The following MACROD2 variants were observed in gnomAD, a reference collection of about 807,000 sequenced individuals.
MACROD2 encodes the protein ADP-ribose glycohydrolase MACROD2.
A neutral mutation model predicts 70.4 loss-of-function variants in MACROD2; 36 were observed. That is an observed-to-expected ratio of 0.51 (90% CI 0.39 to 0.68). The LOEUF is 0.68. Ranked by LOEUF, MACROD2 falls within the 30% of genes least tolerant of loss-of-function variation. The pLI, the probability that MACROD2 is intolerant of heterozygous loss-of-function variation, is 0.00. For missense variants in MACROD2, 496 were observed against 538.4 expected, an observed-to-expected ratio of 0.92 and a Z score of 0.78; for synonymous variants, 172 against 178.8, an observed-to-expected ratio of 0.96 and a Z score of 0.30.
At chr20:14,781,646 A>G (rs77992545) in intron 5 of MACROD2, among the ~76,000 whole-genome samples, 5,108 of 151,698 alleles carry the variant, frequency 0.034, 127 homozygotes, top group Non-Finnish European at 0.049. Context: ...TATATTTCAC[A>G]TTGTTCACTA....
At chr20:14,142,561 T>A (rs2054890651) in intron 3 of MACROD2, among the ~76,000 whole-genome samples, 1 of 152,214 alleles carries the variant, frequency 6.6e-6, no homozygotes, top group African/African-American at 2.4e-5. Context: ...TGTCAAGCAT[T>A]ATGAAGCTGC....
chr20:15,226,196 C>T (rs892903594), intron 5 of MACROD2, among the ~76,000 whole-genome samples: 1 of 152,114 alleles, frequency 6.6e-6, no homozygotes. Flanking sequence ...GAGTGACTTG[C>T]AGAAGGTCAC....
intron 8 of MACROD2, among the ~76,000 whole-genome samples, chr20:15,805,714 G>C (rs1375958606): frequency 6.6e-6 from 1 of 152,150 alleles, no homozygotes; most frequent in African/African-American, 2.4e-5. Flanking sequence ...GACCTCAGGT[G>C]ATCTGCCCAC....
intron 3 of MACROD2, among the ~76,000 whole-genome samples, chr20:14,167,851 A>G (rs1228638951): frequency 1.3e-5 from 2 of 152,250 alleles, no homozygotes; most frequent in Non-Finnish European, 2.9e-5. Flanking sequence ...TGTGCCAAGA[A>G]CAAGTCTTAG....
chr20:14,780,562 CAAA>C (rs763622429), intron 5 of MACROD2, among the ~76,000 whole-genome samples: 2 of 124,286 alleles, frequency 1.6e-5, no homozygotes. Flanking sequence ...AACTCCGTCT[CAAA>C]AAAAAAAAAA....
At chr20:15,447,584 A>T (rs1244479812) in intron 7 of MACROD2, among the ~76,000 whole-genome samples, 1 of 152,112 alleles carries the variant, frequency 6.6e-6, no homozygotes, top group Non-Finnish European at 1.5e-5. Flanking sequence ...TTCCTACCCT[A>T]GGCCTGCCAT....
rs577150843 is a variant in MACROD2, at chr20:14,878,179, C to T, written c.418+193220C>T. On this transcript the variant is annotated intron_variant, in intron 5 of 17. Coordinates refer to ENST00000684519, the MANE Select transcript of MACROD2 (RefSeq NM_001351661.2). ...ATCTTGCTTTCAACTTGACTCAGAGCCAAATGTGTGTAAGCATTGAGAGGG... is the reference window on the plus strand; with the variant it reads ...ATCTTGCTTTCAACTTGACTCAGAGTCAAATGTGTGTAAGCATTGAGAGGG... 5.3e-4 allele frequency among the ~76,000 whole-genome samples: 80 copies of T among 152,178 alleles called. 2 individuals carry two copies. The South Asian group carries it at 0.015, about 29-fold the overall frequency.
At chr20:14,787,168 G>A (rs1485878821) in intron 5 of MACROD2, among the ~76,000 whole-genome samples, 8 of 151,992 alleles carry the variant, frequency 5.3e-5, no homozygotes, top group Non-Finnish European at 1.0e-4. Flanking sequence ...AATATTAAAT[G>A]CCTATTAAAG....
intron 8 of MACROD2, among the ~76,000 whole-genome samples, chr20:15,577,684 G>A (rs2048468349): frequency 6.6e-6 from 1 of 152,152 alleles, no homozygotes; most frequent in East Asian, 1.9e-4. Flanking sequence ...TTCCCCTCTA[G>A]ATTTCCTGCC....
chr20:15,777,909 C>T (rs1166198260), intron 8 of MACROD2, among the ~76,000 whole-genome samples: 3 of 152,110 alleles, frequency 2.0e-5, no homozygotes, highest in Non-Finnish European at 4.4e-5. Context: ...CCTCGGCCTC[C>T]CAAAGTGCTG....
intron 6 of MACROD2, among the ~76,000 whole-genome samples, chr20:15,292,302 AG>A: frequency 6.6e-6 from 1 of 152,234 alleles, no homozygotes; most frequent in Non-Finnish European, 1.5e-5. Flanking sequence ...TATAAAAAAA[AG>A]GGATGATATT....
chr20:15,449,808 C>T lies in MACROD2; in HGVS notation c.571+18373C>T, dbSNP rs149660205. 2.2e-3 allele frequency among the ~76,000 whole-genome samples: 338 copies of T among 152,146 alleles called. 7 individuals are homozygous for T. The East Asian group carries it at 0.026, about 12-fold the overall frequency. On this transcript the variant is annotated intron_variant, in intron 7 of 17. Coordinates refer to ENST00000684519, the MANE Select transcript of MACROD2 (RefSeq NM_001351661.2). ...AGGAGTTTGAGACCAGCCTGACCAA[C>T]GTAGTGAAAACCCGTCTCTACTAAA...
intron 5 of MACROD2, among the ~76,000 whole-genome samples, chr20:14,910,505 A>G (rs1359964510): frequency 1.3e-5 from 2 of 152,256 alleles, no homozygotes; most frequent in Non-Finnish European, 2.9e-5. Flanking sequence ...GGAAGCATGA[A>G]GAATTCCAGC....
At position 15,601,568 on chromosome 20, in the gene MACROD2, T is replaced by G. The variant is rs140355861; in HGVS notation, c.645+101721T>G. Among the ~76,000 whole-genome samples the G allele has an allele frequency of 1.5e-3, 221 of 152,092 alleles. 2 individuals are homozygous for G. The highest frequency in any genetic ancestry group is 4.8e-3 in the African/African-American group (198 of 41,474). On this transcript the variant is annotated intron_variant, in intron 8 of 17. Transcript: ENST00000684519. ...ACACTCACCCATCCCAGGATAAGAG[T>G]TCTTCAAGGCCTGCTATCCAGTGAT...
intron 3 of MACROD2, among the ~76,000 whole-genome samples, chr20:14,407,137 A>G (rs1344739521): frequency 6.7e-6 from 1 of 149,312 alleles, no homozygotes; most frequent in Non-Finnish European, 1.5e-5. Context: ...AAAACATGGT[A>G]AGAAAGTATA....
At chr20:15,304,260 G>A (rs576611968) in intron 6 of MACROD2, among the ~76,000 whole-genome samples, 57 of 152,244 alleles carry the variant, frequency 3.7e-4, no homozygotes, top group African/African-American at 1.3e-3. Flanking sequence ...CTCAGAGGTA[G>A]CAATGGGACC....
chr20:14,834,902 TTGAC>T (rs1212687186), intron 5 of MACROD2, among the ~76,000 whole-genome samples: 2 of 151,974 alleles, frequency 1.3e-5, no homozygotes, highest in African/African-American at 4.8e-5. Context: ...TCTATACAGA[TTGAC>T]TATGTATAAT....
At chr20:15,469,698 A>G (rs1268904714) in intron 7 of MACROD2, among the ~76,000 whole-genome samples, 1 of 152,184 alleles carries the variant, frequency 6.6e-6, no homozygotes, top group African/African-American at 2.4e-5. Flanking sequence ...GCATGTCCAG[A>G]AGACAACAGG....
chr20:14,592,675 T>C (rs1190780248), intron 4 of MACROD2, among the ~76,000 whole-genome samples: 2 of 152,136 alleles, frequency 1.3e-5, no homozygotes, highest in East Asian at 3.9e-4. Flanking sequence ...ACTTTGGAGA[T>C]TGATTGGTTT....
Sources: gnomAD v4.1 joint callset for allele counts (sites outside exome capture counted in the v4.1 genomes callset) on GRCh38, gnomAD v4.1.1 for gene constraint, MANE v1.5 for transcripts, NCBI Gene and HGNC (gene_info 2026-07-23, HGNC 2026-07-21) for gene names.